Variants in PDZD2 observed in about 807,000 individuals in gnomAD.
PDZD2 encodes the protein PDZ domain-containing protein 2.
PDZD2 carries 90 observed loss-of-function variants against 220.7 expected under a neutral mutation model. The observed-to-expected ratio is 0.41, with a 90% CI of 0.34 to 0.49. The LOEUF (loss-of-function observed/expected upper bound fraction) is 0.49. PDZD2 is among the 20% of genes least tolerant of loss of function. The pLI is 0.28. For missense variants in PDZD2, 3,174 were observed against 3,608.5 expected, an observed-to-expected ratio of 0.88 and a Z score of 3.08; for synonymous variants, 1,375 against 1,450.5, an observed-to-expected ratio of 0.95 and a Z score of 1.18.
At chr5:31,808,732 T>C (rs1272953610) in intron 2 of PDZD2, among the ~76,000 whole-genome samples, 1 of 152,152 alleles carries the variant, frequency 6.6e-6, no homozygotes, top group Admixed American at 6.5e-5. Flanking sequence ...ATGCCAGCAC[T>C]TGGGGAGGCT....
intron 2 of PDZD2, among the ~76,000 whole-genome samples, chr5:31,923,712 A>C (rs1403741611): frequency 6.6e-6 from 1 of 152,240 alleles, no homozygotes; most frequent in Non-Finnish European, 1.5e-5. Context: ...ATGTATCAGA[A>C]TAAATGTTTT....
intron 1 of PDZD2, among the ~76,000 whole-genome samples, chr5:31,711,350 G>A (rs185987572): frequency 1.3e-5 from 2 of 152,296 alleles, no homozygotes; most frequent in African/African-American, 4.8e-5. Flanking sequence ...ACAGGGGATG[G>A]GAAGGAAAGT....
chr5:32,036,082 T>C (rs1755522556), intron 6 of PDZD2, among the ~76,000 whole-genome samples: 1 of 152,202 alleles, frequency 6.6e-6, no homozygotes, highest in South Asian at 2.1e-4. Context: ...TAGCTGGGAC[T>C]ACAGGCACCC....
chr5:32,002,137 T>G (rs780060648), intron 5 of PDZD2, among the ~76,000 whole-genome samples: 2 of 152,182 alleles, frequency 1.3e-5, no homozygotes, highest in Non-Finnish European at 2.9e-5. Flanking sequence ...TTTTGGGCTA[T>G]CCAAAAAATC....
intron 1 of PDZD2, among the ~76,000 whole-genome samples, chr5:31,791,140 TG>T (rs1753699862): frequency 6.6e-6 from 1 of 152,178 alleles, no homozygotes. Flanking sequence ...CTGATAAAGC[TG>T]ATTTTTGTAA....
At chr5:31,665,235 C>T (rs1745937121) in intron 1 of PDZD2, among the ~76,000 whole-genome samples, 1 of 23,288 alleles carries the variant, frequency 4.3e-5, no homozygotes, top group African/African-American at 6.2e-5. Context: ...TCCAGCCTGC[C>T]TCTTCCCCGT....
chr5:31,933,162 C>T (rs1266219019), intron 2 of PDZD2, among the ~76,000 whole-genome samples: 4 of 152,136 alleles, frequency 2.6e-5, no homozygotes, highest in Non-Finnish European at 4.4e-5. Flanking sequence ...CCACCCACCT[C>T]GGTCTCCCAA....
intron 5 of PDZD2, among the ~76,000 whole-genome samples, chr5:32,003,325 A>C (rs1752479067): frequency 3.5e-5 from 2 of 56,524 alleles, no homozygotes; most frequent in Admixed American, 1.7e-4. Context: ...CCCCACACAC[A>C]CACCCCCACC....
Position 32,089,602 on chromosome 5 carries a change from CAG to C in PDZD2, c.6157_6158del (p.Ser2053Ter). ...RNGMSVAGNR[Q>X]SEPRLASHVA... ...CGGCATGTCCGTGGCAGGGAACAGA[CAG>C]AGTGAGCCGCGCCTGGCCAGCCATG... is the stretch of plus-strand genomic sequence containing the variant. On this transcript the variant is annotated frameshift_variant, in exon 20 of 25. Coordinates refer to ENST00000438447, the MANE Select transcript of PDZD2 (RefSeq NM_178140.4). LOFTEE classifies it high-confidence loss of function. The C allele has an allele frequency of 1.2e-6, 2 of 1,612,780 alleles. No homozygotes were observed. Among genetic ancestry groups the C allele is most frequent in the Non-Finnish European group, 1.7e-6 (2 of 1,179,936 alleles).
chr5:31,661,665 G>A (rs886247828), intron 1 of PDZD2: 8 of 152,106 alleles, frequency 5.3e-5, no homozygotes, highest in Admixed American at 2.0e-4. Context: ...ACTTTGTTAC[G>A]TGACTATTCA....
At position 31,799,271 on chromosome 5, in the gene PDZD2, C is replaced by T. The variant is rs200885153; in HGVS notation, c.23C>T (p.Ala8Val). 3.8e-4 allele frequency: 609 copies of T among 1,607,086 alleles called. No homozygotes were observed. Among genetic ancestry groups the T allele is most frequent in the Non-Finnish European group, 4.9e-4 (576 of 1,176,184 alleles). The change falls in exon 2 of 25, where the codon GCC becomes GTC. Residue 8 changes from alanine to valine, a missense_variant. Physicochemically the swap from Ala to Val is moderately conservative, Grantham distance 64 (BLOSUM62 0). Transcript: ENST00000438447. The stretch of plus-strand genomic sequence containing the variant: ...ACCATGCCCATCACCCAGGACAATG[C>T]CGTGCTGCACCTGCCCCTCCTCTAC... MPITQDN[A>V]VLHLPLLYQW... is the part of the protein sequence containing the mutation.
intron 1 of PDZD2, among the ~76,000 whole-genome samples, chr5:31,756,198 C>T (rs1751298991): frequency 6.6e-6 from 1 of 152,068 alleles, no homozygotes; most frequent in Non-Finnish European, 1.5e-5. Flanking sequence ...CTGTGCCTGG[C>T]TCCAGGTCAT....
chr5:31,784,410 C>T lies in PDZD2; in HGVS notation c.-360-14479C>T, dbSNP rs148067565. Among the ~76,000 whole-genome samples the T allele has an allele frequency of 1.4e-4, 22 of 152,324 alleles. No individual in the cohort carries two copies. In the East Asian group the frequency reaches 3.9e-3, roughly 27 times the overall value. ...CAGTCTCCAAGTTTCCAAGGTAAGA[C>T]ATTGTCCTTGAATGCACGTAGAAAA... On this transcript the variant is annotated intron_variant, in intron 1 of 24. Coordinates refer to ENST00000438447, the MANE Select transcript of PDZD2 (RefSeq NM_178140.4).
chr5:32,040,786 C>T (rs1208278060), intron 7 of PDZD2, among the ~76,000 whole-genome samples: 2 of 147,702 alleles, frequency 1.4e-5, no homozygotes, highest in African/African-American at 2.5e-5. Context: ...CCGGCCGCCA[C>T]CCCGTCTGGG....
intron 2 of PDZD2, among the ~76,000 whole-genome samples, chr5:31,938,465 CCT>C (rs1323828909): frequency 6.6e-6 from 1 of 152,058 alleles, no homozygotes; most frequent in Non-Finnish European, 1.5e-5. Context: ...GGATTTTCAC[CCT>C]CTTTCCTGGT....
intron 1 of PDZD2, among the ~76,000 whole-genome samples, chr5:31,739,862 A>G (rs1340041831): frequency 3.3e-5 from 5 of 152,212 alleles, no homozygotes; most frequent in African/African-American, 1.2e-4. Flanking sequence ...CTTTGATGAG[A>G]GGAAAGAAGA....
At chr5:32,052,174 C>A (rs1738621856) in intron 8 of PDZD2, among the ~76,000 whole-genome samples, 1 of 152,228 alleles carries the variant, frequency 6.6e-6, no homozygotes, top group African/African-American at 2.4e-5. Flanking sequence ...GAGACGGAGT[C>A]TCACTCTGTT....
At chr5:31,829,334 T>TC (rs1491569797) in intron 2 of PDZD2, among the ~76,000 whole-genome samples, 1 of 30,658 alleles carries the variant, frequency 3.3e-5, no homozygotes, top group Non-Finnish European at 9.8e-5. Context: ...GCTTAGTGAA[T>TC]TTTTTTTTTT....
intron 2 of PDZD2, among the ~76,000 whole-genome samples, chr5:31,877,234 G>C (rs1293953015): frequency 6.6e-6 from 1 of 151,944 alleles, no homozygotes; most frequent in African/African-American, 2.4e-5. Flanking sequence ...TGTTTGTTTT[G>C]AGATGGGTTC....
Sources: allele counts gnomAD v4.1 joint callset (sites outside exome capture counted in the v4.1 genomes callset), GRCh38; gene constraint gnomAD v4.1.1; transcripts MANE v1.5; gene names NCBI Gene and HGNC (gene_info 2026-07-23, HGNC 2026-07-21).